The following GALNT8 variants were observed in gnomAD, a reference collection of about 807,000 sequenced individuals.
GALNT8 encodes the protein probable polypeptide N-acetylgalactosaminyltransferase 8.
A neutral mutation model predicts 62.7 loss-of-function variants in GALNT8; 66 were observed. The observed-to-expected ratio is 1.05, with a 90% CI of 0.86 to 1.29. The LOEUF (loss-of-function observed/expected upper bound fraction) is 1.29. Among genes scored for constraint, GALNT8 ranks in the 50% most tolerant of loss-of-function variants. GALNT8 has a pLI of 0.00. For synonymous variants in GALNT8, 288 were observed against 294.3 expected (o/e 0.98, Z 0.22); for missense variants, 771 against 791.8 (o/e 0.97, Z 0.32).
chr12:4,736,882 A>G (rs1169939816), intron 2 of GALNT8, among the ~76,000 whole-genome samples: 1 of 152,160 alleles, frequency 6.6e-6, no homozygotes. Flanking sequence ...AGGGGCCCAG[A>G]TATTGGACTT....
At position 4,746,094 on chromosome 12, in the gene GALNT8, G is replaced by A. The variant is rs749754909; in HGVS notation, c.1059-50G>A. On this transcript the variant is annotated intron_variant, in intron 5 of 10. Coordinates refer to ENST00000252318, the MANE Select transcript of GALNT8 (RefSeq NM_017417.2). ...ATAATCATTGAGCATCCCACCCCTC[G>A]CCTCCGCTCCTTATGGAGAGATTAG... 13 of 1,045,922 alleles carry A rather than the reference G, an allele frequency of 1.2e-5. 1 individual carries two copies. Among genetic ancestry groups the A allele is most frequent in the South Asian group, 2.5e-5 (2 of 78,822 alleles). 64.8% of individuals were successfully genotyped at this position (1,045,922 alleles called of 1,614,324 possible). A position where few individuals can be genotyped will look rare whatever the true frequency, so the allele number is the denominator to read the frequency against.
At chr12:4,762,194 A>G (rs564739756) in intron 7 of GALNT8, among the ~76,000 whole-genome samples, 4 of 152,306 alleles carry the variant, frequency 2.6e-5, no homozygotes, top group African/African-American at 9.6e-5. Context: ...TAGGAAAACA[A>G]GTACCCTCCA....
At chr12:4,754,108 C>T (rs531040660) in intron 6 of GALNT8, among the ~76,000 whole-genome samples, 2 of 152,346 alleles carry the variant, frequency 1.3e-5, no homozygotes, top group African/African-American at 4.8e-5. Flanking sequence ...CCCGTGACCA[C>T]CGCCACTGTG....
chr12:4,746,585 C>T (rs1407100378), intron 6 of GALNT8, among the ~76,000 whole-genome samples: 1 of 152,120 alleles, frequency 6.6e-6, no homozygotes, highest in Admixed American at 6.5e-5. Flanking sequence ...AGACAATTCT[C>T]TAGAAGGCCA....
chr12:4,720,819 C>T lies in GALNT8; in HGVS notation c.142C>T (p.His48Tyr), dbSNP rs1378059554. The T allele has an allele frequency of 2.5e-6, 4 of 1,611,548 alleles. No individual in the cohort carries two copies. In the African/African-American group the frequency reaches 5.3e-5, roughly 22 times the overall value. Residue 48 changes from histidine to tyrosine, a missense_variant, in exon 1 of 11, where the codon CAT becomes TAT. Coordinates refer to ENST00000252318, the MANE Select transcript of GALNT8 (RefSeq NM_017417.2). ...TGGTCTCCACAGGGAGCTTCCTTTACATCTGAATAAACGCTACGGGGCAGT... is the reference window on the plus strand; with the variant it reads ...TGGTCTCCACAGGGAGCTTCCTTTATATCTGAATAAACGCTACGGGGCAGT... ...TGGLHRELPL[H>Y]LNKRYGAVIK...
chr12:4,746,904 A>G (rs546281023), intron 6 of GALNT8, among the ~76,000 whole-genome samples: 1 of 152,104 alleles, frequency 6.6e-6, no homozygotes, highest in Non-Finnish European at 1.5e-5. Context: ...ATTAAAAAAG[A>G]AAGAAAAAGA....
chr12:4,746,118 A>G (rs763947429), intron 5 of GALNT8, 26 bp from the exon 6 acceptor site: 1 of 1,324,496 alleles, frequency 7.6e-7, no homozygotes, highest in Non-Finnish European at 1.1e-6. Context: ...TGGAGAGATT[A>G]GTGACTCTTG....
chr12:4,745,426 T>C lies in GALNT8; in HGVS notation c.861-3T>C. On this transcript the variant is annotated splice_region_variant and splice_polypyrimidine_tract_variant and intron_variant, in intron 4 of 10. Transcript: ENST00000252318. The stretch of plus-strand genomic sequence containing the variant: ...CTGGGCTTTCTGCACACTCTTGTTC[T>C]AGGGCAGAGCCAATCTTGGCTCGGA... 6.3e-7 allele frequency: 1 copy of C among 1,597,224 alleles called. No individual in the cohort carries two copies. The highest frequency in any genetic ancestry group is 1.1e-5 in the South Asian group (1 of 90,742).
intron 6 of GALNT8, among the ~76,000 whole-genome samples, chr12:4,752,464 A>G (rs1489753482): frequency 2.0e-5 from 3 of 150,288 alleles, no homozygotes; most frequent in Non-Finnish European, 4.4e-5. Context: ...TTGCAATACT[A>G]TCTTATCATC....
At chr12:4,746,447 A>T (rs1262182753) in intron 6 of GALNT8, among the ~76,000 whole-genome samples, 189 bp downstream of exon 6, 1 of 152,258 alleles carries the variant, frequency 6.6e-6, no homozygotes, top group African/African-American at 2.4e-5. Flanking sequence ...CTCCTGGTAT[A>T]GCCCATATAA....
chr12:4,745,579 A>C lies in GALNT8; in HGVS notation c.1011A>C (p.Ala337=), dbSNP rs750840473. Residue 337 remains alanine (A), a synonymous_variant, in exon 5 of 11, where the codon GCA becomes GCC. Transcript: ENST00000252318. ...GGGAACTCTGGTGCCGCTACGATGCACTGCCACAAGCCTGGATTGATCTGC... is the reference window on the plus strand; with the variant it reads ...GGGAACTCTGGTGCCGCTACGATGCCCTGCCACAAGCCTGGATTGATCTGC... The part of the protein sequence containing the change: ...FNWELWCRYD[A]LPQAWIDLHD... 1.2e-6 allele frequency: 2 copies of C among 1,614,124 alleles called. No individual in the cohort carries two copies. The highest frequency in any genetic ancestry group is 1.1e-5 in the South Asian group (1 of 91,088).
chr12:4,760,331 G>C (rs1946365726), intron 6 of GALNT8, among the ~76,000 whole-genome samples: 1 of 152,214 alleles, frequency 6.6e-6, no homozygotes, highest in Non-Finnish European at 1.5e-5. Context: ...TGTGTTAGCT[G>C]ACAGCATGGC....
chr12:4,727,742 C>T (rs984783799), intron 2 of GALNT8, among the ~76,000 whole-genome samples: 2 of 152,052 alleles, frequency 1.3e-5, no homozygotes, highest in Non-Finnish European at 2.9e-5. Context: ...TTATACCTAC[C>T]GCATTTCCTT....
At chr12:4,765,593 T>G in intron 10 of GALNT8, 47 bp downstream of exon 10, 1 of 1,475,494 alleles carries the variant, frequency 6.8e-7, no homozygotes, top group Non-Finnish European at 9.4e-7. Flanking sequence ...TTGTTTTGTT[T>G]TGTTTTGAGA....
intron 9 of GALNT8, among the ~76,000 whole-genome samples, chr12:4,764,306 T>C (rs1946387734): frequency 6.6e-6 from 1 of 152,116 alleles, no homozygotes; most frequent in African/African-American, 2.4e-5. Context: ...TTCTGCATGG[T>C]GATATTTGCA....
At position 4,772,567 on chromosome 12, in the gene GALNT8, C is replaced by G; in HGVS notation, c.1884C>G (p.Val628=). The G allele has an allele frequency of 6.2e-7, 1 of 1,613,906 alleles. No homozygotes were observed. The highest frequency in any genetic ancestry group is 8.5e-7 in the Non-Finnish European group (1 of 1,179,868). ...STQVWEIQHT[V]RDWGQTNSQ ...AAGTGTGGGAAATCCAGCACACTGT[C>G]AGAGACTGGGGTCAGACCAACAGCC... The change falls in exon 11 of 11, where the codon GTC becomes GTG. Residue 628 remains valine (V), a synonymous_variant. Coordinates refer to ENST00000252318, the MANE Select transcript of GALNT8 (RefSeq NM_017417.2).
chr12:4,750,287 T>A (rs1012022665), intron 6 of GALNT8, among the ~76,000 whole-genome samples: 1 of 152,106 alleles, frequency 6.6e-6, no homozygotes, highest in African/African-American at 2.4e-5. Context: ...ATCACCTAGG[T>A]ATTAAGCCTA....
At chr12:4,760,037 C>T (rs563866764) in intron 6 of GALNT8, among the ~76,000 whole-genome samples, 48 of 152,262 alleles carry the variant, frequency 3.2e-4, no homozygotes, top group Admixed American at 7.2e-4. Flanking sequence ...TGCTGTATAA[C>T]GATGTTATCA....
chr12:4,761,045 C>T lies in GALNT8; in HGVS notation c.1261C>T (p.Leu421Phe), dbSNP rs377567116. 6.8e-6 allele frequency: 11 copies of T among 1,613,962 alleles called. No homozygotes were observed. The African/African-American group carries it at 1.3e-4, about 20-fold the overall frequency. ...ACACCACAAGCCCTACGCCTTGGAT[C>T]TCACCGCTGCCTTGAAGCGCAATGC... The part of the protein sequence containing the change: ...ERHHKPYALD[L>F]TAALKRNALR... The change falls in exon 7 of 11, where the codon CTC (leucine) becomes TTC (phenylalanine). Residue 421 changes from leucine (L) to phenylalanine (F), a missense_variant. Leu to Phe is a conservative substitution (Grantham distance 22). Transcript: ENST00000252318.
Sources: gnomAD v4.1 joint callset for allele counts (sites outside exome capture counted in the v4.1 genomes callset) on GRCh38, gnomAD v4.1.1 for gene constraint, MANE v1.5 for transcripts, NCBI Gene and HGNC (gene_info 2026-07-23, HGNC 2026-07-21) for gene names.